Variants in IFT88 observed in about 807,000 individuals in gnomAD.
IFT88 encodes the protein intraflagellar transport protein 88 homolog.
A neutral mutation model predicts 119.5 loss-of-function variants in IFT88; 74 were observed. The ratio of observed to expected loss-of-function variants is 0.62; its 90% CI spans 0.51 to 0.75. The LOEUF (loss-of-function observed/expected upper bound fraction) is 0.75. IFT88 is among the 30% of genes least tolerant of loss of function. The pLI is 0.00. For missense variants in IFT88, 961 were observed against 977.7 expected, an observed-to-expected ratio of 0.98 and a Z score of 0.23; for synonymous variants, 279 against 316.7, an observed-to-expected ratio of 0.88 and a Z score of 1.26.
chr13:20,597,523 T>C (rs987880653), intron 9 of IFT88, among the ~76,000 whole-genome samples: 2 of 152,062 alleles, frequency 1.3e-5, no homozygotes, highest in African/African-American at 2.4e-5. Context: ...GGCGGGCAGA[T>C]CACAAGGTCA....
chr13:20,638,625 C>G, intron 17 of IFT88, 107 bp downstream of exon 17: 1 of 616,242 alleles, frequency 1.6e-6, no homozygotes, highest in Non-Finnish European at 2.5e-6. Context: ...GAGGAGTTGA[C>G]TTCCTTCTAA....
chr13:20,637,181 T>C (rs2049142176), intron 16 of IFT88, among the ~76,000 whole-genome samples: 1 of 152,096 alleles, frequency 6.6e-6, no homozygotes, highest in South Asian at 2.1e-4. Context: ...AGGGTTTCTT[T>C]TGAGGGTGGA....
chr13:20,579,087 G>A (rs2038033286), intron 2 of IFT88, among the ~76,000 whole-genome samples: 1 of 152,098 alleles, frequency 6.6e-6, no homozygotes, highest in South Asian at 2.1e-4. Flanking sequence ...TGCTTTTCTA[G>A]TTCGAGATGC....
intron 11 of IFT88, 127 bp downstream of exon 11, chr13:20,599,692 G>A (rs2042284166): frequency 1.7e-6 from 1 of 574,062 alleles, no homozygotes; most frequent in Non-Finnish European, 3.1e-6. Flanking sequence ...TATACGTGTA[G>A]TATTTTGATC....
intron 8 of IFT88, 83 bp from the exon 9 acceptor site, chr13:20,596,932 C>G (rs1320214629): frequency 1.3e-5 from 9 of 701,872 alleles, no homozygotes; most frequent in Non-Finnish European, 2.1e-5. Context: ...ATGAATTCAT[C>G]CAACCTTCAT....
intron 12 of IFT88, among the ~76,000 whole-genome samples, 196 bp downstream of exon 12, chr13:20,602,129 T>C (rs2042689447): frequency 6.6e-6 from 1 of 152,028 alleles, no homozygotes; most frequent in Non-Finnish European, 1.5e-5. Context: ...GTAGAGATTA[T>C]GGTTAAAACA....
intron 13 of IFT88, among the ~76,000 whole-genome samples, chr13:20,615,060 C>T (rs551007806): frequency 2.1e-3 from 315 of 152,250 alleles, no homozygotes; most frequent in Non-Finnish European, 3.1e-3. Context: ...TGTGATCCAC[C>T]TGCCTTGGCC....
At chr13:20,588,073 A>G (rs550021979) in intron 3 of IFT88, among the ~76,000 whole-genome samples, 18 of 87,168 alleles carry the variant, frequency 2.1e-4, no homozygotes, top group African/African-American at 7.7e-4. Context: ...GTTTTTTATT[A>G]TTCCATTTTC....
At chr13:20,671,121 A>T (rs1172293631) in intron 24 of IFT88, 82 bp downstream of exon 24, 1 of 1,114,236 alleles carries the variant, frequency 9.0e-7, no homozygotes, top group African/African-American at 1.5e-5. Context: ...GCAATAATCT[A>T]AAGTGTTCTT....
chr13:20,687,735 AAAG>A (rs1417695981), intron 24 of IFT88, among the ~76,000 whole-genome samples: 1 of 152,186 alleles, frequency 6.6e-6, no homozygotes, highest in African/African-American at 2.4e-5. Context: ...AAAAGAAAAA[AAAG>A]AAAAGAAGAA....
chr13:20,616,011 G>A (rs2045551529), intron 14 of IFT88, 132 bp downstream of exon 14: 1 of 488,062 alleles, frequency 2.0e-6, no homozygotes, highest in Admixed American at 3.9e-5. Context: ...AGATAATATT[G>A]TATGTTCAGA....
At chr13:20,677,723 G>A (rs2056851282) in intron 24 of IFT88, among the ~76,000 whole-genome samples, 1 of 152,176 alleles carries the variant, frequency 6.6e-6, no homozygotes, top group Non-Finnish European at 1.5e-5. Context: ...CATCTTAATA[G>A]AGGCTAAATT....
At chr13:20,591,743 G>A in intron 6 of IFT88, 62 bp downstream of exon 6, 1 of 1,067,432 alleles carries the variant, frequency 9.4e-7, no homozygotes, top group Non-Finnish European at 1.4e-6. Flanking sequence ...ATCATTTTGT[G>A]ATATAAATAT....
intron 4 of IFT88, 121 bp from the exon 5 acceptor site, chr13:20,590,846 C>G: frequency 4.5e-6 from 3 of 674,108 alleles, no homozygotes; most frequent in Admixed American, 5.4e-5. Context: ...CCAGGAGGTA[C>G]AAGGAATAAA....
At chr13:20,637,119 G>C (rs1271091117) in intron 16 of IFT88, among the ~76,000 whole-genome samples, 1 of 152,162 alleles carries the variant, frequency 6.6e-6, no homozygotes, top group African/African-American at 2.4e-5. Context: ...CAGATTAGTG[G>C]TTGCCAGGGG....
intron 15 of IFT88, among the ~76,000 whole-genome samples, chr13:20,630,658 C>G (rs893671090): frequency 6.6e-6 from 1 of 152,132 alleles, no homozygotes; most frequent in Non-Finnish European, 1.5e-5. Context: ...CGTGGCCTCC[C>G]AAAGTGCTGA....
chr13:20,574,541 T>G, intron 2 of IFT88, 66 bp downstream of exon 2: 1 of 806,392 alleles, frequency 1.2e-6, no homozygotes, highest in Non-Finnish European at 2.0e-6. Flanking sequence ...AGACTGTGGA[T>G]TTGAGAGTTC....
intron 24 of IFT88, among the ~76,000 whole-genome samples, chr13:20,683,581 A>G (rs1007459495): frequency 5.9e-5 from 9 of 152,114 alleles, no homozygotes; most frequent in Non-Finnish European, 1.5e-5. Context: ...ACCAACTCCA[A>G]CTCTGTTAAA....
intron 2 of IFT88, among the ~76,000 whole-genome samples, chr13:20,577,803 G>A (rs2037691740): frequency 1.3e-5 from 2 of 152,054 alleles, no homozygotes; most frequent in South Asian, 4.1e-4. Context: ...AGGGATGTTG[G>A]TCTATAATTT....
Sources: allele counts gnomAD v4.1 joint callset (sites outside exome capture counted in the v4.1 genomes callset), GRCh38; gene constraint gnomAD v4.1.1; transcripts MANE v1.5; gene names NCBI Gene and HGNC (gene_info 2026-07-23, HGNC 2026-07-21).